Variants in GNG2 observed in about 807,000 individuals in gnomAD.
The protein encoded by GNG2 is guanine nucleotide-binding protein G(I)/G(S)/G(O) subunit gamma-2.
In GNG2, 5 loss-of-function variants were observed where a neutral mutation model predicts 5.5. That is an observed-to-expected ratio of 0.91 (90% CI 0.48 to 1.92). The LOEUF (loss-of-function observed/expected upper bound fraction) is 1.92, where lower values mean the gene tolerates loss of function less well. Ranked by LOEUF, GNG2 falls within the 30% of genes most tolerant of loss-of-function variation. The probability of loss-of-function intolerance (pLI) is 0.01; values close to 1 mark genes in which losing one functional copy is unlikely to be tolerated. For synonymous variants in GNG2, 28 were observed against 32.0 expected (o/e 0.88, Z 0.42); for missense variants, 55 against 88.4 (o/e 0.62, Z 1.52).
intron 1 of GNG2, among the ~76,000 whole-genome samples, chr14:51,862,567 T>C (rs1426921389): frequency 1.3e-5 from 2 of 152,244 alleles, no homozygotes; most frequent in African/African-American, 2.4e-5. Flanking sequence ...CTGCAGGCTG[T>C]ATTCACTAGA....
chr14:51,856,215 A>G (rs558916622), upstream of GNG2, among the ~76,000 whole-genome samples: 16 of 152,180 alleles, frequency 1.1e-4, no homozygotes, highest in African/African-American at 3.6e-4. Context: ...CTAGCTGGGC[A>G]TGGCGGGGGA....
chr14:51,843,067 C>T (rs919321442), intron 2 of GNG2, among the ~76,000 whole-genome samples: 16 of 152,074 alleles, frequency 1.1e-4, no homozygotes, highest in Admixed American at 9.2e-4. Flanking sequence ...AGCTAAAGAC[C>T]GCAGAAGAGA....
intron 2 of GNG2, among the ~76,000 whole-genome samples, chr14:51,848,538 A>T (rs1056219564): frequency 2.6e-5 from 4 of 152,140 alleles, no homozygotes; most frequent in African/African-American, 9.7e-5. Flanking sequence ...ACTTGTTGAA[A>T]TATTCTTCCC....
At chr14:51,935,041 T>G (rs61971484) in intron 2 of GNG2, among the ~76,000 whole-genome samples, 2,240 of 145,772 alleles carry the variant, frequency 0.015, 62 homozygotes, top group African/African-American at 0.055. Flanking sequence ...TTTTTTTTTT[T>G]GGAGACGGAG....
intron 2 of GNG2, among the ~76,000 whole-genome samples, chr14:51,928,354 CTTAAAA>C (rs1443990720): frequency 6.6e-6 from 1 of 152,016 alleles, no homozygotes; most frequent in African/African-American, 2.4e-5. Context: ...TACCGGTGAA[CTTAAAA>C]TTAAGGTGAT....
chr14:51,961,490 C>G lies in GNG2; in HGVS notation c.88-5069C>G, dbSNP rs1253649. Among the ~76,000 whole-genome samples the G allele has an allele frequency of 4.1e-3, 624 of 152,256 alleles. 9 individuals are homozygous for G. In the South Asian group the frequency reaches 0.049, roughly 12 times the overall value. On this transcript the variant is annotated intron_variant, in intron 3 of 3. Transcript: ENST00000556766. The stretch of plus-strand genomic sequence containing the variant: ...ATAACACAGGTGTGGTTCCTGCCTT[C>G]GTGGAGCCCAGAGCCTAAAGGGAAA...
intron 2 of GNG2, among the ~76,000 whole-genome samples, chr14:51,936,654 A>T (rs1209230433): frequency 1.3e-5 from 2 of 151,652 alleles, no homozygotes; most frequent in Non-Finnish European, 2.9e-5. Flanking sequence ...GGCTCCAGCG[A>T]TCCTTCTGTC....
intron 2 of GNG2, among the ~76,000 whole-genome samples, chr14:51,848,226 C>T (rs11157863): frequency 0.17 from 26,588 of 151,936 alleles, 2,712 homozygotes; most frequent in East Asian, 0.44. Flanking sequence ...GCCAAGCCAA[C>T]ATCATCTTTC....
intron 1 of GNG2, among the ~76,000 whole-genome samples, chr14:51,867,357 A>T (rs571537814): frequency 4.1e-4 from 62 of 152,304 alleles, no homozygotes; most frequent in African/African-American, 1.2e-3. Context: ...CAACCCACAG[A>T]AAATGAAACT....
In GNG2 at chr14:51,851,684, T is replaced by C. The variant is rs1277155493; in HGVS notation, c.64+23877T>C. 2.0e-5 allele frequency among the ~76,000 whole-genome samples: 3 copies of C among 152,326 alleles called. No homozygotes were observed. The East Asian group carries it at 5.8e-4, about 29-fold the overall frequency. ...CTTAGACAGTTATTCCATAATGAAA[T>C]GGGAGTCTGTCTCACTAATAAATAG... On this transcript the variant is annotated intron_variant, in intron 2 of 3. Transcript: ENST00000553432.
intron 1 of GNG2, among the ~76,000 whole-genome samples, chr14:51,869,599 G>T (rs1248056731): frequency 6.6e-6 from 1 of 152,150 alleles, no homozygotes; most frequent in Non-Finnish European, 1.5e-5. Flanking sequence ...TGCAGCCTCA[G>T]CCTGCAGGTG....
At chr14:51,844,457 C>T (rs941920345) in intron 2 of GNG2, among the ~76,000 whole-genome samples, 4 of 152,122 alleles carry the variant, frequency 2.6e-5, no homozygotes, top group African/African-American at 9.7e-5. Context: ...TCATTGTTTT[C>T]TTCATTGGCT....
At chr14:51,890,011 A>T (rs1659586977) in intron 2 of GNG2, among the ~76,000 whole-genome samples, 1 of 152,236 alleles carries the variant, frequency 6.6e-6, no homozygotes, top group South Asian at 2.1e-4. Flanking sequence ...CAACTGAGTG[A>T]GTAAAATAGA....
At chr14:51,879,142 A>G (rs866548685) in intron 2 of GNG2, among the ~76,000 whole-genome samples, 3 of 152,228 alleles carry the variant, frequency 2.0e-5, no homozygotes, top group Non-Finnish European at 4.4e-5. Context: ...GTTATTTGGC[A>G]TATTCCACTC....
intron 2 of GNG2, among the ~76,000 whole-genome samples, chr14:51,904,601 G>A (rs993341737): frequency 2.6e-5 from 4 of 152,114 alleles, no homozygotes; most frequent in African/African-American, 9.7e-5. Flanking sequence ...TAACTGCTCT[G>A]TATATATACC....
intron 2 of GNG2, among the ~76,000 whole-genome samples, chr14:51,935,568 C>G (rs1193218049): frequency 1.3e-5 from 2 of 152,190 alleles, no homozygotes; most frequent in Non-Finnish European, 2.9e-5. Context: ...ATGTTAGAAA[C>G]ATTCAAGACG....
At chr14:51,843,796 C>T (rs1294579805) in intron 2 of GNG2, among the ~76,000 whole-genome samples, 1 of 152,158 alleles carries the variant, frequency 6.6e-6, no homozygotes, top group Non-Finnish European at 1.5e-5. Flanking sequence ...CCCCAGCCCA[C>T]CTCTTCAGTC....
At chr14:51,878,162 G>C (rs1196620254) in intron 2 of GNG2, 2 of 154,032 alleles carry the variant, frequency 1.3e-5, no homozygotes, top group Middle Eastern at 3.1e-3. Flanking sequence ...TTAGCTTTTG[G>C]AACTAGCTAT....
intron 1 of GNG2, among the ~76,000 whole-genome samples, chr14:51,868,585 G>A (rs558407853): frequency 1.8e-4 from 27 of 152,278 alleles, no homozygotes; most frequent in African/African-American, 5.3e-4. Flanking sequence ...AAATGATGCT[G>A]AGGATTCAGC....
Sources: gnomAD v4.1 joint callset for allele counts (sites outside exome capture counted in the v4.1 genomes callset) on GRCh38, gnomAD v4.1.1 for gene constraint, MANE v1.5 for transcripts, NCBI Gene and HGNC (gene_info 2026-07-23, HGNC 2026-07-21) for gene names.